FOXN4: variants seen among roughly 807,000 people sequenced by gnomAD.
FOXN4 encodes forkhead box N4, also known as forkhead box protein N4.
In FOXN4, 12 loss-of-function variants were observed where a neutral mutation model predicts 45.0. That is an observed-to-expected ratio of 0.27 (90% CI 0.17 to 0.43). FOXN4 has a LOEUF of 0.43. Among genes scored for constraint, FOXN4 ranks in the 20% least tolerant of loss-of-function variants. The pLI, the probability that FOXN4 is intolerant of heterozygous loss-of-function variation, is 1.00. For synonymous variants in FOXN4, 297 were observed against 295.0 expected (o/e 1.01, Z -0.07); for missense variants, 560 against 694.9 (o/e 0.81, Z 2.18).
At chr12:109,289,332 C>T (rs936496726) in intron 3 of FOXN4, among the ~76,000 whole-genome samples, 9 of 152,180 alleles carry the variant, frequency 5.9e-5, no homozygotes, top group Non-Finnish European at 1.2e-4. Flanking sequence ...TTTTGTGTTA[C>T]GATGGCAAAG....
In FOXN4 at chr12:109,290,172, C is replaced by T. The variant is rs764527602; in HGVS notation, c.201G>A (p.Leu67=). 50 of 1,550,998 alleles carry T rather than the reference C, an allele frequency of 3.2e-5. No homozygotes were observed. Among genetic ancestry groups the T allele is most frequent in the Non-Finnish European group, 4.1e-5 (47 of 1,146,754 alleles). ...GTGGATGTGGCACGCAGGGGCCACC[C>T]AGGTCCACGCGGCCACTTGCCATCT... The part of the protein sequence containing the change: ...LQQMASGRVD[L]GGPCVPHPHP... The change falls in exon 3 of 10, where the codon CTG becomes CTA. Residue 67 remains leucine, a synonymous_variant. Coordinates refer to ENST00000299162, the MANE Select transcript of FOXN4 (RefSeq NM_213596.3). This position sits in a 1 kb window ranked among gnomAD's most constrained non-coding sequence, Gnocchi z 5.1.
In FOXN4 at chr12:109,279,642, G is replaced by T; in HGVS notation, c.*29C>A. On this transcript the variant is annotated 3_prime_UTR_variant, in exon 10 of 10. Transcript: ENST00000299162. ...CAGTTCTCTGCCCAAGCCGGGTGCC[G>T]GGGTTCCAGGGCAGGTGAGGCTGAC... 1 of 1,562,312 alleles carries T rather than the reference G, an allele frequency of 6.4e-7. No homozygotes were observed. The highest frequency in any genetic ancestry group is 1.9e-5 in the Admixed American group (1 of 52,438).
In FOXN4 at chr12:109,287,532, C is replaced by T; in HGVS notation, c.469-8G>A. 6.6e-7 allele frequency: 1 copy of T among 1,513,756 alleles called. No homozygotes were observed. Among genetic ancestry groups the T allele is most frequent in the Non-Finnish European group, 8.8e-7 (1 of 1,132,614 alleles). 93.8% of individuals were successfully genotyped at this position (1,513,756 alleles called of 1,614,324 possible). A position where few individuals can be genotyped will look rare whatever the true frequency, so the allele number is the denominator to read the frequency against. On this transcript the variant is annotated splice_region_variant and splice_polypyrimidine_tract_variant and intron_variant, in intron 5 of 9. Coordinates refer to ENST00000299162, the MANE Select transcript of FOXN4 (RefSeq NM_213596.3). The surrounding 1 kb of genome is among the most constrained non-coding windows in gnomAD (Gnocchi z 4.1). ...GAGGCCCACAGGAGGGCACTTCCCA[C>T]AGGCAGGGGCAGGGAGAAAGTGGCA...
chr12:109,280,635 G>C (rs917570242), intron 9 of FOXN4, among the ~76,000 whole-genome samples: 1 of 152,190 alleles, frequency 6.6e-6, no homozygotes, highest in Non-Finnish European at 1.5e-5. Context: ...GAAAGAGGCA[G>C]GGAGGTGCAA....
rs149222134 is a variant in FOXN4 at position 109,303,039 on chromosome 12, T to C, written c.86+5197A>G. On this transcript the variant is annotated intron_variant, in intron 2 of 9. Transcript: ENST00000299162. Reference sequence around the variant, plus strand: ...GGCCAAGGGTCAGTGTAGTGTGAAATGATTTGATTAGGAATTTGGATAAAA... The same window carrying C: ...GGCCAAGGGTCAGTGTAGTGTGAAACGATTTGATTAGGAATTTGGATAAAA... 3.8e-3 allele frequency among the ~76,000 whole-genome samples: 571 copies of C among 152,254 alleles called. 3 individuals carry two copies. The highest frequency in any genetic ancestry group is 0.013 in the African/African-American group (525 of 41,542).
intron 2 of FOXN4, among the ~76,000 whole-genome samples, chr12:109,304,275 GAAAGAAAGAAAGAAAGAAAGGA>G (rs2047897851): frequency 1.4e-5 from 1 of 72,354 alleles, no homozygotes; most frequent in African/African-American, 5.7e-5. Context: ...AAGAAAGAAA[GAAAGAAAGAAAGAAAGAAAGGA>G]GAAAGAAAGA....
At position 109,287,720 on chromosome 12, in the gene FOXN4, A is replaced by G; in HGVS notation, c.468+124T>C. On this transcript the variant is annotated intron_variant, in intron 5 of 9. Coordinates refer to ENST00000299162, the MANE Select transcript of FOXN4 (RefSeq NM_213596.3). The surrounding 1 kb of genome is among the most constrained non-coding windows in gnomAD (Gnocchi z 4.1). Reference sequence around the variant, plus strand: ...GGAACGGAATGAATGACCCCATGACATGAGCATGGAGGGAATGTTATCCCC... The same window carrying G: ...GGAACGGAATGAATGACCCCATGACGTGAGCATGGAGGGAATGTTATCCCC... 4 of 1,120,114 alleles carry G rather than the reference A, an allele frequency of 3.6e-6. No homozygotes were observed. The South Asian group carries it at 4.9e-5, about 14-fold the overall frequency. The allele number at this position is 1,120,114 out of a possible 1,614,324, so 69.4% of individuals were successfully genotyped here.
intron 2 of FOXN4, among the ~76,000 whole-genome samples, chr12:109,305,627 G>C (rs1433659417): frequency 6.6e-6 from 1 of 152,178 alleles, no homozygotes; most frequent in Non-Finnish European, 1.5e-5. Context: ...CTATTAGGGA[G>C]GCTGAGGCAG....
At position 109,288,663 on chromosome 12, in the gene FOXN4, C is replaced by T. The variant is rs2047738540; in HGVS notation, c.233-483G>A. Among the ~76,000 whole-genome samples the T allele has an allele frequency of 6.6e-6, 1 of 152,200 alleles. No individual in the cohort carries two copies. Among genetic ancestry groups the T allele is most frequent in the Admixed American group, 6.5e-5 (1 of 15,284 alleles). ...GTGCCTCCTCTCCCCTTTGCCAAGCCCTGCTGCTCCACACAGGATGAGAAT... is the reference window on the plus strand; with the variant it reads ...GTGCCTCCTCTCCCCTTTGCCAAGCTCTGCTGCTCCACACAGGATGAGAAT... On this transcript the variant is annotated intron_variant, in intron 3 of 9. Coordinates refer to ENST00000299162, the MANE Select transcript of FOXN4 (RefSeq NM_213596.3). The surrounding 1 kb of genome is among the most constrained non-coding windows in gnomAD (Gnocchi z 4.3).
chr12:109,294,313 C>T (rs1282084268), intron 2 of FOXN4, among the ~76,000 whole-genome samples: 1 of 152,268 alleles, frequency 6.6e-6, no homozygotes, highest in Non-Finnish European at 1.5e-5. Context: ...CCCTGAGCTG[C>T]GTGACCTTGG....
At chr12:109,285,043 G>T (rs140040247) in intron 8 of FOXN4, among the ~76,000 whole-genome samples, 189 of 150,996 alleles carry the variant, frequency 1.3e-3, no homozygotes, top group African/African-American at 4.1e-3. Flanking sequence ...GAGTGCATTT[G>T]TGTGTGTGCG....
In FOXN4 at chr12:109,287,294, A is replaced by T; in HGVS notation, c.596+103T>A. Reference sequence around the variant, plus strand: ...CACTCCCCAAAACCTCCCCCTTGGAAGTCTGGGCTGCCACACTAGCTGTCT... The same window carrying T: ...CACTCCCCAAAACCTCCCCCTTGGATGTCTGGGCTGCCACACTAGCTGTCT... On this transcript the variant is annotated intron_variant, in intron 6 of 9. Coordinates refer to ENST00000299162, the MANE Select transcript of FOXN4 (RefSeq NM_213596.3). The surrounding 1 kb of genome is among the most constrained non-coding windows in gnomAD (Gnocchi z 4.1). 6.9e-7 allele frequency: 1 copy of T among 1,452,530 alleles called. No individual in the cohort carries two copies. The highest frequency in any genetic ancestry group is 9.3e-7 in the Non-Finnish European group (1 of 1,074,478). 90.0% of individuals were successfully genotyped at this position (1,452,530 alleles called of 1,614,324 possible).
chr12:109,291,922 C>T lies in FOXN4; in HGVS notation c.87-1636G>A, dbSNP rs974325382. ...CAGTGCAATTGTTTCTGCAGCCCCC[C>T]GGCTGCCACCCCTCCGGCCGCCACC... On this transcript the variant is annotated intron_variant, in intron 2 of 9. Transcript: ENST00000299162. The surrounding 1 kb of genome is among the most constrained non-coding windows in gnomAD (Gnocchi z 6.6). Among the ~76,000 whole-genome samples, 31 of 149,122 alleles carry T rather than the reference C, an allele frequency of 2.1e-4. No individual in the cohort carries two copies. The highest frequency in any genetic ancestry group is 5.3e-4 in the Admixed American group (8 of 15,150).
chr12:109,289,909 G>T (rs1446658739), intron 3 of FOXN4, among the ~76,000 whole-genome samples: 1 of 152,210 alleles, frequency 6.6e-6, no homozygotes, highest in Non-Finnish European at 1.5e-5. Flanking sequence ...GTGGCAGCGG[G>T]ACTCTATTCA....
At chr12:109,296,686 C>A (rs1179587265) in intron 2 of FOXN4, among the ~76,000 whole-genome samples, 2 of 152,174 alleles carry the variant, frequency 1.3e-5, no homozygotes, top group Non-Finnish European at 2.9e-5. Context: ...AAGCAAGGAC[C>A]CTCATGCCCC....
chr12:109,280,342 CAAAAAA>C (rs34879457), intron 9 of FOXN4, among the ~76,000 whole-genome samples: 2 of 53,532 alleles, frequency 3.7e-5, no homozygotes, highest in Non-Finnish European at 6.8e-5. Flanking sequence ...GACTCCACCT[CAAAAAA>C]AAAAAAAAAA....
At chr12:109,286,532 A>C (rs568199171) in intron 7 of FOXN4, 116 bp downstream of exon 7, 2 of 934,728 alleles carry the variant, frequency 2.1e-6, no homozygotes, top group Admixed American at 4.4e-5. Context: ...TAACCACCAG[A>C]TGTACAGACA....
At chr12:109,281,940 C>G in intron 8 of FOXN4, 141 bp from the exon 9 acceptor site, 1 of 966,734 alleles carries the variant, frequency 1.0e-6, no homozygotes, top group Admixed American at 3.0e-5. Flanking sequence ...GTCTCCTCAC[C>G]TATGAAATGA....
At chr12:109,297,745 A>G (rs565541995) in intron 2 of FOXN4, among the ~76,000 whole-genome samples, 5 of 152,296 alleles carry the variant, frequency 3.3e-5, no homozygotes, top group East Asian at 1.9e-4. Flanking sequence ...CACAAAACCA[A>G]TCCCTGGTGC....
Sources: allele counts gnomAD v4.1 joint callset (sites outside exome capture counted in the v4.1 genomes callset), GRCh38; gene constraint gnomAD v4.1.1; non-coding constraint Gnocchi (gnomAD v3.1); transcripts MANE v1.5; gene names NCBI Gene and HGNC (gene_info 2026-07-23, HGNC 2026-07-21).